PLA2R1: variants seen among roughly 807,000 people sequenced by gnomAD.
PLA2R1 encodes the protein phospholipase A2 receptor 1.
In PLA2R1, 158 loss-of-function variants were observed where a neutral mutation model predicts 195.9. The observed-to-expected ratio is 0.81, with a 90% CI of 0.71 to 0.92. The LOEUF is 0.92. Among genes scored for constraint, PLA2R1 ranks in the 40% least tolerant of loss-of-function variants. The probability of loss-of-function intolerance (pLI) is 0.00; values close to 1 mark genes in which losing one functional copy is unlikely to be tolerated. For missense variants in PLA2R1, 1,626 were observed against 1,764.6 expected (o/e 0.92, Z 1.41); for synonymous variants, 586 against 598.2 (o/e 0.98, Z 0.30).
intron 6 of PLA2R1, among the ~76,000 whole-genome samples, chr2:160,025,809 A>T (rs1005138158): frequency 1.3e-5 from 2 of 152,318 alleles, no homozygotes; most frequent in Admixed American, 1.3e-4. Context: ...ATGCAAATGG[A>T]TTAAATTATC....
Position 159,949,729 on chromosome 2 carries a change from A to C in PLA2R1, c.3588T>G (p.Thr1196=). Residue 1196 remains threonine (T), a synonymous_variant, in exon 25 of 30, where the codon ACT becomes ACG. Transcript: ENST00000283243. ...GGGAGGACTCCTCATCTTTCCAAAA[A>C]GTGAAAGAAGATTTGGTGCCATCAG... ...DWSDGTKSSF[T]FWKDEESSLL... 6.2e-7 allele frequency: 1 copy of C among 1,613,876 alleles called. No individual in the cohort carries two copies. Among genetic ancestry groups the C allele is most frequent in the Non-Finnish European group, 8.5e-7 (1 of 1,179,768 alleles).
intron 17 of PLA2R1, among the ~76,000 whole-genome samples, chr2:159,971,478 A>G (rs1014171891): frequency 9.3e-4 from 117 of 125,814 alleles, no homozygotes; most frequent in East Asian, 2.6e-3. Context: ...GTGCGCGCAC[A>G]CACACACACA....
intron 11 of PLA2R1, among the ~76,000 whole-genome samples, chr2:159,992,568 T>C (rs1263468918): frequency 6.7e-6 from 1 of 148,896 alleles, no homozygotes; most frequent in East Asian, 2.0e-4. Context: ...AGAATCAATA[T>C]CGTGAAAATG....
intron 20 of PLA2R1, among the ~76,000 whole-genome samples, chr2:159,959,315 TCTC>T (rs1022718813): frequency 9.2e-5 from 14 of 152,160 alleles, no homozygotes; most frequent in Non-Finnish European, 2.1e-4. Flanking sequence ...CAGAAAAACA[TCTC>T]CTCTGCTTCC....
chr2:160,016,761 C>A, intron 8 of PLA2R1, 49 bp from the exon 9 acceptor site: 1 of 813,480 alleles, frequency 1.2e-6, no homozygotes, highest in African/African-American at 1.8e-5. Flanking sequence ...GTGCTGATAC[C>A]GATGGGCAAT....
downstream of PLA2R1, among the ~76,000 whole-genome samples, chr2:159,927,510 T>C (rs1686520552): frequency 6.6e-6 from 1 of 152,202 alleles, no homozygotes; most frequent in Non-Finnish European, 1.5e-5. Flanking sequence ...TTGAATTTAA[T>C]TGTTTGTCAG....
chr2:159,961,387 G>A (rs1280873521), intron 20 of PLA2R1, among the ~76,000 whole-genome samples: 1 of 152,046 alleles, frequency 6.6e-6, no homozygotes, highest in Non-Finnish European at 1.5e-5. Context: ...GAATAACTGA[G>A]GGAGCTTTAA....
intron 10 of PLA2R1, 71 bp from the exon 11 acceptor site, chr2:160,005,892 G>A (rs1356754689): frequency 9.9e-7 from 1 of 1,012,712 alleles, no homozygotes; most frequent in African/African-American, 1.6e-5. Context: ...AAAGCATAAT[G>A]AAGTGCACAG....
In PLA2R1 at chr2:160,013,342, T is replaced by C; in HGVS notation, c.1585A>G (p.Ile529Val). The C allele has an allele frequency of 6.2e-7, 1 of 1,609,784 alleles. No homozygotes were observed. Among genetic ancestry groups the C allele is most frequent in the Non-Finnish European group, 8.5e-7 (1 of 1,176,326 alleles). ...WERHGGFCYK[I>V]DTVLRSFDQA... ...TCAAAGCTTCGAAGGACTGTGTCAA[T>C]TTTGTAACAGAATCCACCATGTCTC... The change falls in exon 10 of 30, where the codon ATT (isoleucine) becomes GTT (valine). Residue 529 changes from isoleucine (I) to valine (V), a missense_variant. Coordinates refer to ENST00000283243, the MANE Select transcript of PLA2R1 (RefSeq NM_007366.5).
chr2:160,007,517 A>C (rs573234515), intron 10 of PLA2R1, among the ~76,000 whole-genome samples: 2 of 152,398 alleles, frequency 1.3e-5, no homozygotes, highest in African/African-American at 4.8e-5. Flanking sequence ...CACCGGTGGA[A>C]GAGCACACCG....
chr2:160,029,052 C>T, intron 4 of PLA2R1, 89 bp from the exon 5 acceptor site: 1 of 737,372 alleles, frequency 1.4e-6, no homozygotes, highest in South Asian at 1.6e-5. Flanking sequence ...GAGTCAGAAA[C>T]TAATTCCAGT....
At chr2:159,948,224 AT>A (rs1001769473) in intron 25 of PLA2R1, among the ~76,000 whole-genome samples, 4 of 151,848 alleles carry the variant, frequency 2.6e-5, no homozygotes, top group Non-Finnish European at 4.4e-5. Flanking sequence ...CTTTAAAAAT[AT>A]TTTTTTTAAT....
intron 10 of PLA2R1, 46 bp from the exon 11 acceptor site, chr2:160,005,867 T>C (rs1327584640): frequency 1.2e-5 from 16 of 1,345,468 alleles, no homozygotes; most frequent in Non-Finnish European, 1.6e-5. Context: ...TTCTGGGCAA[T>C]AAAAAAATGT....
Position 159,955,310 on chromosome 2 carries a change from T to C in PLA2R1, c.3190A>G (p.Ile1064Val), listed in dbSNP as rs1303443188. ...SHNTTEVQKH[I>V]PLCALLSSNP... ...CTTGAGAGTAAGGCACAGAGAGGAA[T>C]GTGTTTCTGAACTTCAGTGGTATTG... is the stretch of plus-strand genomic sequence containing the variant. Residue 1064 changes from isoleucine to valine, a missense_variant, in exon 23 of 30, where the codon ATT becomes GTT. Transcript: ENST00000283243. 3 of 1,604,062 alleles carry C rather than the reference T, an allele frequency of 1.9e-6. No individual in the cohort carries two copies. Among genetic ancestry groups the C allele is most frequent in the Non-Finnish European group, 2.6e-6 (3 of 1,172,052 alleles).
chr2:160,035,963 C>T (rs1424883407), intron 3 of PLA2R1, among the ~76,000 whole-genome samples: 1 of 152,220 alleles, frequency 6.6e-6, no homozygotes, highest in East Asian at 1.9e-4. Context: ...GATTTACTCT[C>T]TTTTCTTGAC....
At chr2:159,968,922 AT>A (rs1486010816) in intron 19 of PLA2R1, among the ~76,000 whole-genome samples, 2 of 152,224 alleles carry the variant, frequency 1.3e-5, no homozygotes, top group Non-Finnish European at 2.9e-5. Context: ...ATAGGAATAG[AT>A]TTTTTTAAAA....
rs1385469314 is a variant in PLA2R1 at position 160,014,732 on chromosome 2, G to T, written c.1552-1357C>A. 4.6e-5 allele frequency among the ~76,000 whole-genome samples: 7 copies of T among 152,086 alleles called. No homozygotes were observed. In the East Asian group the frequency reaches 1.3e-3, roughly 29 times the overall value. On this transcript the variant is annotated intron_variant, in intron 9 of 29. Transcript: ENST00000283243. The stretch of plus-strand genomic sequence containing the variant: ...TAGTTCAAACATATCATTAACTGAG[G>T]TAGGAAGCACAGGAGCTCCCACATC...
chr2:160,013,462 C>A, intron 9 of PLA2R1, 87 bp from the exon 10 acceptor site: 1 of 681,154 alleles, frequency 1.5e-6, no homozygotes. Flanking sequence ...TTACCACCTA[C>A]ATAACTTTCT....
At chr2:160,023,902 C>A (rs1179674558) in intron 6 of PLA2R1, among the ~76,000 whole-genome samples, 1 of 139,702 alleles carries the variant, frequency 7.2e-6, no homozygotes, top group African/African-American at 2.6e-5. Flanking sequence ...CCCACCATCT[C>A]CCCCAACCCC....
Sources: allele counts gnomAD v4.1 joint callset (sites outside exome capture counted in the v4.1 genomes callset), GRCh38; gene constraint gnomAD v4.1.1; transcripts MANE v1.5; gene names NCBI Gene and HGNC (gene_info 2026-07-23, HGNC 2026-07-21).